The following CAMSAP1 variants were observed in gnomAD, a reference collection of about 807,000 sequenced individuals.
CAMSAP1 encodes the protein calmodulin regulated spectrin associated protein 1.
CAMSAP1 carries 58 observed loss-of-function variants against 143.5 expected under a neutral mutation model. The observed-to-expected ratio is 0.40, with a 90% CI of 0.33 to 0.50. The LOEUF (loss-of-function observed/expected upper bound fraction) is 0.50, where lower values mean the gene tolerates loss of function less well. Among genes scored for constraint, CAMSAP1 ranks in the 20% least tolerant of loss-of-function variants. CAMSAP1 has a pLI of 0.45. For missense variants in CAMSAP1, 1,969 were observed against 2,115.7 expected, an observed-to-expected ratio of 0.93 and a Z score of 1.36; for synonymous variants, 945 against 859.3, an observed-to-expected ratio of 1.10 and a Z score of -1.74.
At chr9:135,859,121 T>A (rs1370445168) in intron 5 of CAMSAP1, among the ~76,000 whole-genome samples, 2 of 152,232 alleles carry the variant, frequency 1.3e-5, no homozygotes, top group African/African-American at 2.4e-5. Flanking sequence ...CATCTTCTAG[T>A]TGGTGAGTTC....
At position 135,821,002 on chromosome 9, in the gene CAMSAP1, C is replaced by T; in HGVS notation, c.3659G>A (p.Ser1220Asn). ...CCTCAGAGGCTCCTCCACGGGGACG[C>T]TCTCTTTTCCCGAGACATCTGAGGA... ...SSSSDVSGKESVPVEEPLRSR... is the reference protein window; with the variant it reads ...SSSSDVSGKENVPVEEPLRSR... Residue 1220 changes from serine (S) to asparagine (N), a missense_variant, in exon 11 of 17, where the codon AGC (serine) becomes AAC (asparagine). Physicochemically the swap from Ser to Asn is conservative, Grantham distance 46 (BLOSUM62 1). Coordinates refer to ENST00000389532, the MANE Select transcript of CAMSAP1 (RefSeq NM_015447.4). The surrounding 1 kb of genome is among the most constrained non-coding windows in gnomAD (Gnocchi z 4.6). 1 of 1,612,816 alleles carries T rather than the reference C, an allele frequency of 6.2e-7. No homozygotes were observed. Among genetic ancestry groups the T allele is most frequent in the South Asian group, 1.1e-5 (1 of 91,020 alleles).
In CAMSAP1 at chr9:135,810,092, T is replaced by C. The variant is rs545057375; in HGVS notation, c.*1217A>G. 4.6e-5 allele frequency: 7 copies of C among 152,724 alleles called. No individual in the cohort carries two copies. Among genetic ancestry groups the C allele is most frequent in the African/African-American group, 1.7e-4 (7 of 41,580 alleles). 9.5% of individuals were successfully genotyped at this position (152,724 alleles called of 1,614,324 possible). ...CGGCAGCTGGTCAGTTGCAGCAGTG[T>C]CTGGCAGCCATGGCTGGCACGCACC... On this transcript the variant is annotated 3_prime_UTR_variant, in exon 17 of 17. Transcript: ENST00000389532.
At chr9:135,892,635 G>A (rs562280926) in intron 1 of CAMSAP1, among the ~76,000 whole-genome samples, 5 of 151,754 alleles carry the variant, frequency 3.3e-5, no homozygotes, top group South Asian at 4.2e-4. Context: ...GGTGGATCAC[G>A]AGGTCAGGAG....
chr9:135,837,364 G>A (rs1192127445), intron 7 of CAMSAP1, among the ~76,000 whole-genome samples: 1 of 143,042 alleles, frequency 7.0e-6, no homozygotes, highest in African/African-American at 2.6e-5. Flanking sequence ...CTTTCTACCG[G>A]TTCTACAGAC....
Position 135,882,866 on chromosome 9 carries a change from C to G in CAMSAP1, c.373G>C (p.Asp125His). The G allele has an allele frequency of 6.4e-7, 1 of 1,551,544 alleles. No homozygotes were observed. Among genetic ancestry groups the G allele is most frequent in the Non-Finnish European group, 8.7e-7 (1 of 1,146,990 alleles). The part of the protein sequence containing the change: ...SRKGIYVMES[D>H]DTPVTESDLS... ...TCGGACTCTGTCACGGGGGTGTCATCACTCTCCATCACATAGATCCCTTTC... is the reference window on the plus strand; with the variant it reads ...TCGGACTCTGTCACGGGGGTGTCATGACTCTCCATCACATAGATCCCTTTC... The change falls in exon 2 of 17, where the codon GAT (aspartate) becomes CAT (histidine). Residue 125 changes from aspartate (D) to histidine (H), a missense_variant. Asp to His is a moderately conservative substitution (Grantham distance 81). Coordinates refer to ENST00000389532, the MANE Select transcript of CAMSAP1 (RefSeq NM_015447.4). This position sits in a 1 kb window ranked among gnomAD's most constrained non-coding sequence, Gnocchi z 4.9.
Position 135,821,623 on chromosome 9 carries a change from T to A in CAMSAP1, c.3038A>T (p.Glu1013Val), listed in dbSNP as rs760564669. 1.9e-6 allele frequency: 3 copies of A among 1,613,990 alleles called. No individual in the cohort carries two copies. The highest frequency in any genetic ancestry group is 2.5e-6 in the Non-Finnish European group (3 of 1,179,890). Residue 1013 changes from glutamate (E) to valine (V), a missense_variant, in exon 11 of 17, where the codon GAG becomes GTG. By Grantham distance (121) the Glu-to-Val change is moderately radical. Around this residue, in one of 4 missense-constraint regions of CAMSAP1, gnomAD observed 1,390 missense variants for 1,420.8 expected, o/e 0.98. Coordinates refer to ENST00000389532, the MANE Select transcript of CAMSAP1 (RefSeq NM_015447.4). The surrounding 1 kb of genome is among the most constrained non-coding windows in gnomAD (Gnocchi z 4.6). ...SAALLEDTVG[E>V]VVDVNECDLS... ...GTCACATTCATTCACGTCGACAACC[T>A]CCCCAACAGTGTCCTCCAGGAGGGC...
rs543588406 is a variant in CAMSAP1 at position 135,824,660 on chromosome 9, T to C, written c.1315+129A>G. On this transcript the variant is annotated intron_variant, in intron 9 of 16. Transcript: ENST00000389532. The surrounding 1 kb of genome is among the most constrained non-coding windows in gnomAD (Gnocchi z 4.1). ...AGCCTGGTGACAGAGCAAGACTCCA[T>C]CTCAAAAAACAAACAAACAAACAAA... The C allele has an allele frequency of 1.2e-4, 85 of 726,116 alleles. No individual in the cohort carries two copies. The African/African-American group carries it at 1.4e-3, about 12-fold the overall frequency. The allele number at this position is 726,116 out of a possible 1,614,324, so 45.0% of individuals were successfully genotyped here. A position where few individuals can be genotyped will look rare whatever the true frequency, so the allele number is the denominator to read the frequency against.
intron 3 of CAMSAP1, among the ~76,000 whole-genome samples, chr9:135,878,592 T>G (rs1161355049): frequency 6.6e-6 from 1 of 152,170 alleles, no homozygotes; most frequent in East Asian, 1.9e-4. Flanking sequence ...CAATTTCCAA[T>G]GGGGAGAAAC....
intron 1 of CAMSAP1, among the ~76,000 whole-genome samples, chr9:135,895,932 A>T (rs1021402249): frequency 6.6e-6 from 1 of 152,204 alleles, no homozygotes; most frequent in African/African-American, 2.4e-5. Flanking sequence ...ATCCTAAAAA[A>T]TGGTCAATTA....
intron 7 of CAMSAP1, among the ~76,000 whole-genome samples, chr9:135,843,806 G>C (rs1161120295): frequency 6.6e-6 from 1 of 150,674 alleles, no homozygotes; most frequent in East Asian, 1.9e-4. Flanking sequence ...CCTGGGAGGC[G>C]GAGCTTGCAG....
chr9:135,876,122 T>C (rs1469197297), intron 3 of CAMSAP1, among the ~76,000 whole-genome samples: 1 of 152,144 alleles, frequency 6.6e-6, no homozygotes, highest in African/African-American at 2.4e-5. Context: ...CGCCTAATTT[T>C]TGTATTTTCA....
intron 5 of CAMSAP1, among the ~76,000 whole-genome samples, chr9:135,857,524 T>C (rs1296205212): frequency 1.5e-4 from 23 of 152,186 alleles, no homozygotes; most frequent in South Asian, 2.1e-4. Flanking sequence ...CTTGCAGACA[T>C]TGTTTCCCAG....
Position 135,827,477 on chromosome 9 carries a change from G to A in CAMSAP1, c.1153C>T (p.Gln385Ter). The A allele has an allele frequency of 1.2e-6, 2 of 1,611,188 alleles. No homozygotes were observed. The highest frequency in any genetic ancestry group is 1.1e-5 in the South Asian group (1 of 90,936). Residue 385 changes from glutamine (Q) to a stop codon, truncating the protein, a stop_gained, in exon 8 of 17, where the codon CAG becomes TAG. Transcript: ENST00000389532. LOFTEE classifies it high-confidence loss of function. ...TCCGCCGGCAGCTGCACGGGGGGCT[G>A]CAGCTCAGCCAGGGTCCCTGCAGCA... ...SPAAGTLAEL[Q>*]PPVQLPAEGC...
chr9:135,850,081 G>T, intron 7 of CAMSAP1, 56 bp downstream of exon 7: 1 of 1,405,384 alleles, frequency 7.1e-7, no homozygotes, highest in Non-Finnish European at 9.7e-7. Flanking sequence ...AGTGCTTTCT[G>T]ATACTCTAGG....
chr9:135,836,399 G>A lies in CAMSAP1; in HGVS notation c.1046-8815C>T, dbSNP rs146532926. On this transcript the variant is annotated intron_variant, in intron 7 of 16. Coordinates refer to ENST00000389532, the MANE Select transcript of CAMSAP1 (RefSeq NM_015447.4). ...CTGTTCTACAGACACACGTTACCAC[G>A]CTTTTTCTACTCCGTTCTACAGACA... The A allele has an allele frequency of 2.3e-4, 221 of 980,470 alleles. 3 individuals are homozygous for A. In the East Asian group the frequency reaches 0.018, roughly 81 times the overall value. 60.7% of individuals were successfully genotyped at this position (980,470 alleles called of 1,614,324 possible).
intron 1 of CAMSAP1, among the ~76,000 whole-genome samples, chr9:135,888,014 C>T (rs1838179568): frequency 6.6e-6 from 1 of 152,154 alleles, no homozygotes; most frequent in Admixed American, 6.5e-5. Context: ...GAGGTCAACA[C>T]TAAGTGCAGG....
At chr9:135,876,970 C>T (rs994384388) in intron 3 of CAMSAP1, among the ~76,000 whole-genome samples, 2 of 152,132 alleles carry the variant, frequency 1.3e-5, no homozygotes, top group Non-Finnish European at 2.9e-5. Flanking sequence ...GACCTTGCCA[C>T]TACCCTCTAG....
In CAMSAP1 at chr9:135,818,962, C is replaced by T. The variant is rs1042247702; in HGVS notation, c.3959+48G>A. On this transcript the variant is annotated intron_variant, in intron 12 of 16. Transcript: ENST00000389532. The surrounding 1 kb of genome is among the most constrained non-coding windows in gnomAD (Gnocchi z 7.7). ...CAACGGGACCGGGGCCGCCAGGGAC[C>T]CACCAGGCTCCTGCTCAGTCTGCTT... 1.3e-6 allele frequency: 2 copies of T among 1,591,868 alleles called. No individual in the cohort carries two copies. The highest frequency in any genetic ancestry group is 2.7e-5 in the African/African-American group (2 of 74,574).
chr9:135,886,966 G>A (rs562156992), intron 1 of CAMSAP1, among the ~76,000 whole-genome samples: 4 of 152,336 alleles, frequency 2.6e-5, no homozygotes, highest in East Asian at 3.9e-4. Flanking sequence ...GAGGGCAGTC[G>A]GGGACAGGAG....
Sources: allele counts gnomAD v4.1 joint callset (sites outside exome capture counted in the v4.1 genomes callset), GRCh38; gene constraint gnomAD v4.1.1; regional missense constraint gnomAD v4.1.1; non-coding constraint Gnocchi (gnomAD v3.1); transcripts MANE v1.5; gene names NCBI Gene and HGNC (gene_info 2026-07-23, HGNC 2026-07-21).